CLASP1: variants seen among roughly 807,000 people sequenced by gnomAD.
CLASP1 encodes cytoplasmic linker associated protein 1, also known as CLIP-associating protein 1.
A neutral mutation model predicts 192.3 loss-of-function variants in CLASP1; 38 were observed. The observed-to-expected ratio is 0.20, with a 90% CI of 0.15 to 0.26. The LOEUF is 0.26. Ranked by LOEUF, CLASP1 falls within the 10% of genes least tolerant of loss-of-function variation. The probability of loss-of-function intolerance (pLI) is 1.00; values close to 1 mark genes in which losing one functional copy is unlikely to be tolerated. For missense variants in CLASP1, 1,433 were observed against 1,932.5 expected (o/e 0.74, Z 4.85); for synonymous variants, 691 against 712.8 (o/e 0.97, Z 0.49).
chr2:121,557,835 C>T (rs1277169677), intron 2 of CLASP1, among the ~76,000 whole-genome samples: 1 of 151,744 alleles, frequency 6.6e-6, no homozygotes, highest in Non-Finnish European at 1.5e-5. Context: ...GTAATCCTAG[C>T]ACTTTGGGAG....
chr2:121,390,312 C>T (rs1254927749), intron 30 of CLASP1, among the ~76,000 whole-genome samples: 1 of 152,154 alleles, frequency 6.6e-6, no homozygotes, highest in African/African-American at 2.4e-5. Context: ...TGGAGTACGC[C>T]ACTGTTCTTG....
chr2:121,425,059 C>T (rs1362534879), intron 22 of CLASP1, 80 bp downstream of exon 22: 8 of 1,354,834 alleles, frequency 5.9e-6, no homozygotes, highest in Non-Finnish European at 8.1e-6. Context: ...ATATTTCCTA[C>T]ATTAGACATA....
chr2:121,486,202 A>G (rs940111647), intron 8 of CLASP1, among the ~76,000 whole-genome samples: 1 of 152,228 alleles, frequency 6.6e-6, no homozygotes, highest in Non-Finnish European at 1.5e-5. Flanking sequence ...ATAGTAGGAC[A>G]TTGAAATCAT....
At chr2:121,418,850 C>G in intron 22 of CLASP1, 121 bp from the exon 23 acceptor site, 1 of 693,362 alleles carries the variant, frequency 1.4e-6, no homozygotes, top group Non-Finnish European at 2.5e-6. Flanking sequence ...CTGGGGAGTT[C>G]TGATGACTGA....
intron 6 of CLASP1, among the ~76,000 whole-genome samples, chr2:121,521,192 G>A (rs1207417398): frequency 6.6e-6 from 1 of 152,142 alleles, no homozygotes; most frequent in African/African-American, 2.4e-5. Flanking sequence ...TCTAAGATTT[G>A]CTTCAACATA....
intron 7 of CLASP1, among the ~76,000 whole-genome samples, chr2:121,504,463 G>C (rs1254774883): frequency 1.3e-5 from 2 of 152,144 alleles, no homozygotes; most frequent in Admixed American, 6.5e-5. Context: ...TTTGGTATTT[G>C]TACCAAACAC....
At chr2:121,420,358 T>TA (rs1181951006) in intron 22 of CLASP1, among the ~76,000 whole-genome samples, 2 of 152,158 alleles carry the variant, frequency 1.3e-5, no homozygotes, top group Non-Finnish European at 2.9e-5. Context: ...ATTAAATGCT[T>TA]AAAAAACTAG....
intron 2 of CLASP1, among the ~76,000 whole-genome samples, chr2:121,605,347 A>G (rs892834746): frequency 3.3e-5 from 5 of 152,190 alleles, no homozygotes; most frequent in Non-Finnish European, 4.4e-5. Flanking sequence ...TTTGTTATTT[A>G]TAAAGGGCAA....
chr2:121,630,960 C>A (rs2069461164), intron 1 of CLASP1, among the ~76,000 whole-genome samples: 2 of 151,056 alleles, frequency 1.3e-5, no homozygotes, highest in Admixed American at 6.6e-5. Context: ...GAGATCAAGA[C>A]CATCCTGGCT....
chr2:121,407,489 T>C (rs1407438534), exon 25 of CLASP1: 1 of 1,613,882 alleles, frequency 6.2e-7, no homozygotes, highest in African/African-American at 1.3e-5. Context: ...TCTTTGGCTC[T>C]TCAGTAAGTT....
At chr2:121,474,777 A>G (rs943142073) in intron 8 of CLASP1, among the ~76,000 whole-genome samples, 1 of 152,160 alleles carries the variant, frequency 6.6e-6, no homozygotes, top group Non-Finnish European at 1.5e-5. Context: ...TGAGCAGCCA[A>G]TGTAGGGCTT....
chr2:121,341,844 C>T (rs1363979017), intron 39 of CLASP1, among the ~76,000 whole-genome samples: 1 of 152,140 alleles, frequency 6.6e-6, no homozygotes, highest in Non-Finnish European at 1.5e-5. Context: ...CATTAAGTTT[C>T]AAATCTATTG....
intron 2 of CLASP1, among the ~76,000 whole-genome samples, chr2:121,601,057 A>G (rs189775003): frequency 6.6e-6 from 1 of 152,300 alleles, no homozygotes; most frequent in East Asian, 1.9e-4. Context: ...CATTGCCTTA[A>G]CTACTACTGG....
chr2:121,585,967 GA>G (rs1313618978), intron 2 of CLASP1, among the ~76,000 whole-genome samples: 3 of 151,784 alleles, frequency 2.0e-5, no homozygotes, highest in Non-Finnish European at 2.9e-5. Context: ...CTACTTGGGG[GA>G]AAAAATAGTG....
intron 8 of CLASP1, among the ~76,000 whole-genome samples, chr2:121,475,273 C>G (rs1345820916): frequency 6.6e-6 from 1 of 152,166 alleles, no homozygotes; most frequent in Non-Finnish European, 1.5e-5. Flanking sequence ...GGATAAAAAC[C>G]AACTGAGCCA....
chr2:121,596,537 C>T (rs76561851), intron 2 of CLASP1, among the ~76,000 whole-genome samples: 3,040 of 152,298 alleles, frequency 0.02, 62 homozygotes, highest in Non-Finnish European at 0.034. Context: ...CCTTATCTGT[C>T]AACACAGTCT....
At chr2:121,496,294 GC>G (rs1169176916) in intron 8 of CLASP1, among the ~76,000 whole-genome samples, 1 of 152,202 alleles carries the variant, frequency 6.6e-6, no homozygotes, top group African/African-American at 2.4e-5. Flanking sequence ...AGCCTAGGAA[GC>G]CGCTCTGTGG....
At chr2:121,368,740 G>A (rs914863782) in intron 34 of CLASP1, among the ~76,000 whole-genome samples, 1 of 152,120 alleles carries the variant, frequency 6.6e-6, no homozygotes, top group South Asian at 2.1e-4. Flanking sequence ...GACACCTATG[G>A]CAAAATTTTT....
At chr2:121,508,593 A>G (rs2150299943) in intron 7 of CLASP1, among the ~76,000 whole-genome samples, 1 of 152,342 alleles carries the variant, frequency 6.6e-6, no homozygotes, top group Non-Finnish European at 1.5e-5. Flanking sequence ...TCAACTTTAT[A>G]GTGTCTACAA....
Sources: allele counts gnomAD v4.1 joint callset (sites outside exome capture counted in the v4.1 genomes callset), GRCh38; gene constraint gnomAD v4.1.1; transcripts MANE v1.5; gene names NCBI Gene and HGNC (gene_info 2026-07-23, HGNC 2026-07-21).